TBC1D20: variants seen among roughly 807,000 people sequenced by gnomAD.
The protein encoded by TBC1D20 is TBC1 domain family member 20.
TBC1D20 carries 12 observed loss-of-function variants against 41.6 expected under a neutral mutation model. The ratio of observed to expected loss-of-function variants is 0.29; its 90% CI spans 0.18 to 0.47. TBC1D20 has a LOEUF of 0.47. Among genes scored for constraint, TBC1D20 ranks in the 20% least tolerant of loss-of-function variants. The pLI is 1.00. For synonymous variants in TBC1D20, 205 were observed against 204.8 expected, an observed-to-expected ratio of 1.00 and a Z score of -0.01; for missense variants, 421 against 517.4, an observed-to-expected ratio of 0.81 and a Z score of 1.81.
chr20:459,092 G>C (rs1162232595), intron 1 of TBC1D20, among the ~76,000 whole-genome samples: 2 of 152,204 alleles, frequency 1.3e-5, no homozygotes, highest in East Asian at 3.8e-4. Flanking sequence ...AAAGATGTAT[G>C]AATTACAGAG....
intron 2 of TBC1D20, 69 bp from the exon 3 acceptor site, chr20:445,199 G>A (rs1289206409): frequency 1.0e-4 from 126 of 1,240,064 alleles, no homozygotes; most frequent in Non-Finnish European, 1.4e-4. Flanking sequence ...AACATTCTGG[G>A]ATGACACAAA....
In TBC1D20 at chr20:447,841, C is replaced by T. The variant is rs561917606; in HGVS notation, c.256+48G>A. The T allele has an allele frequency of 2.4e-5, 36 of 1,493,448 alleles. No individual in the cohort carries two copies. The South Asian group carries it at 4.1e-4, about 17-fold the overall frequency. 92.5% of individuals were successfully genotyped at this position (1,493,448 alleles called of 1,614,324 possible). ...TTAAAGATCCTGGAATTCTTTTCCC[C>T]CTGTCTCCTAGATAAGCTCCCCTCA... is the stretch of plus-strand genomic sequence containing the variant. On this transcript the variant is annotated intron_variant, in intron 2 of 7. Transcript: ENST00000354200.
rs534658561 is a variant in TBC1D20 at position 455,521 on chromosome 20, G to A, written c.70+6815C>T. Among the ~76,000 whole-genome samples the A allele has an allele frequency of 1.7e-3, 265 of 152,264 alleles. 1 individual carries two copies. The highest frequency in any genetic ancestry group is 6.1e-3 in the African/African-American group (255 of 41,528). ...TAGTCCCATCTACTCAGGAGGATGA[G>A]GCAGGAGAATCGCTTGAACCCGGGA... On this transcript the variant is annotated intron_variant, in intron 1 of 7. Coordinates refer to ENST00000354200, the MANE Select transcript of TBC1D20 (RefSeq NM_144628.4).
At chr20:452,801 A>T (rs1455660453) in intron 1 of TBC1D20, among the ~76,000 whole-genome samples, 1 of 152,218 alleles carries the variant, frequency 6.6e-6, no homozygotes, top group Non-Finnish European at 1.5e-5. Flanking sequence ...CATCTTCCCC[A>T]GCAATGTTCT....
chr20:446,930 C>A (rs114808125), intron 2 of TBC1D20, among the ~76,000 whole-genome samples: 2 of 149,734 alleles, frequency 1.3e-5, no homozygotes, highest in Non-Finnish European at 3.0e-5. Context: ...CCTCGCCCAG[C>A]CACAAAATAC....
intron 1 of TBC1D20, among the ~76,000 whole-genome samples, chr20:458,982 CCCA>C (rs1170711690): frequency 6.6e-6 from 1 of 152,136 alleles, no homozygotes; most frequent in Non-Finnish European, 1.5e-5. Flanking sequence ...AGAAAGCACT[CCCA>C]CGTGTGCCAC....
At chr20:461,161 C>T (rs1299497061) in intron 1 of TBC1D20, among the ~76,000 whole-genome samples, 1 of 152,076 alleles carries the variant, frequency 6.6e-6, no homozygotes, top group African/African-American at 2.4e-5. Flanking sequence ...CATCAGAGGA[C>T]TGGAAATAGG....
At chr20:447,673 A>G (rs1445557564) in intron 2 of TBC1D20, among the ~76,000 whole-genome samples, 1 of 152,166 alleles carries the variant, frequency 6.6e-6, no homozygotes, top group Non-Finnish European at 1.5e-5. Context: ...TAAATAAAAT[A>G]AAAACAAGTA....
At chr20:445,250 A>G (rs1311558450) in intron 2 of TBC1D20, 120 bp from the exon 3 acceptor site, 12 of 708,904 alleles carry the variant, frequency 1.7e-5, no homozygotes, top group Non-Finnish European at 2.8e-5. Context: ...GAAGAGGATG[A>G]TATGACTCAA....
intron 6 of TBC1D20, among the ~76,000 whole-genome samples, 196 bp downstream of exon 6, chr20:440,052 C>T (rs928428068): frequency 6.6e-6 from 1 of 152,160 alleles, no homozygotes; most frequent in Non-Finnish European, 1.5e-5. Flanking sequence ...TTTGTTTATA[C>T]CCAGCATTTC....
chr20:456,692 G>A (rs1365858342), intron 1 of TBC1D20, among the ~76,000 whole-genome samples: 1 of 151,956 alleles, frequency 6.6e-6, no homozygotes, highest in Admixed American at 6.6e-5. Context: ...AGCCTCCCGA[G>A]TAGCTGGGAT....
chr20:449,822 A>G (rs2122407224), intron 1 of TBC1D20, among the ~76,000 whole-genome samples: 2 of 152,358 alleles, frequency 1.3e-5, no homozygotes, highest in East Asian at 3.9e-4. Flanking sequence ...TTACAAATCA[A>G]CCTACAGATA....
intron 1 of TBC1D20, among the ~76,000 whole-genome samples, chr20:451,138 G>C (rs1417780104): frequency 6.6e-6 from 1 of 152,224 alleles, no homozygotes; most frequent in African/African-American, 2.4e-5. Flanking sequence ...CAGTGGGTCA[G>C]GGCCAAGCTA....
Position 439,069 on chromosome 20 carries a change from C to T in TBC1D20, c.956+39G>A, listed in dbSNP as rs779890136. 6.3e-7 allele frequency: 1 copy of T among 1,578,668 alleles called. No individual in the cohort carries two copies. Among genetic ancestry groups the T allele is most frequent in the Non-Finnish European group, 8.6e-7 (1 of 1,161,910 alleles). ...ACCTTCCCTCGCTTCTGCTCATTTA[C>T]AGCCACCCCCATTCAACCAGTGTCC... is the stretch of plus-strand genomic sequence containing the variant. On this transcript the variant is annotated intron_variant, in intron 7 of 7. Transcript: ENST00000354200. The surrounding 1 kb of genome is among the most constrained non-coding windows in gnomAD (Gnocchi z 4.6).
At chr20:458,487 G>GA (rs1568468158) in intron 1 of TBC1D20, among the ~76,000 whole-genome samples, 1 of 151,498 alleles carries the variant, frequency 6.6e-6, no homozygotes, top group African/African-American at 2.4e-5. Flanking sequence ...TAATTTTTGC[G>GA]TATATATATT....
chr20:444,974 G>T, intron 3 of TBC1D20, 76 bp downstream of exon 3: 1 of 1,344,030 alleles, frequency 7.4e-7, no homozygotes, highest in Non-Finnish European at 1.0e-6. Context: ...GCAGGGTCCA[G>T]CATATTAGGT....
chr20:454,781 C>T (rs1353786553), intron 1 of TBC1D20, among the ~76,000 whole-genome samples: 11 of 152,032 alleles, frequency 7.2e-5, no homozygotes, highest in Non-Finnish European at 1.6e-4. Context: ...AAACCATTCT[C>T]GGGCCTCAGC....
chr20:444,365 A>T (rs2017292254), intron 3 of TBC1D20, among the ~76,000 whole-genome samples: 1 of 152,190 alleles, frequency 6.6e-6, no homozygotes, highest in African/African-American at 2.4e-5. Context: ...CAGCCAGCTT[A>T]GAGGCTCCTG....
intron 2 of TBC1D20, among the ~76,000 whole-genome samples, chr20:446,367 A>G (rs1171874918): frequency 6.6e-6 from 1 of 151,634 alleles, no homozygotes; most frequent in African/African-American, 2.4e-5. Context: ...TTTTTTGAGT[A>G]TCTCACTCTG....
Sources: allele counts gnomAD v4.1 joint callset (sites outside exome capture counted in the v4.1 genomes callset), GRCh38; gene constraint gnomAD v4.1.1; non-coding constraint Gnocchi (gnomAD v3.1); transcripts MANE v1.5; gene names NCBI Gene and HGNC (gene_info 2026-07-23, HGNC 2026-07-21).